The following CCSER1 variants were observed in gnomAD, a reference collection of about 807,000 sequenced individuals.
CCSER1 encodes serine-rich coiled-coil domain-containing protein 1.
In CCSER1, 41 loss-of-function variants were observed where a neutral mutation model predicts 82.0. That is an observed-to-expected ratio of 0.50 (90% CI 0.39 to 0.65). CCSER1 has a LOEUF of 0.65. Among genes scored for constraint, CCSER1 ranks in the 30% least tolerant of loss-of-function variants. The pLI, the probability that CCSER1 is intolerant of heterozygous loss-of-function variation, is 0.00. For missense variants in CCSER1, 1,119 were observed against 1,064.2 expected, an observed-to-expected ratio of 1.05 and a Z score of -0.72; for synonymous variants, 414 against 383.9, an observed-to-expected ratio of 1.08 and a Z score of -0.92.
intron 3 of CCSER1, among the ~76,000 whole-genome samples, chr4:90,396,097 C>A (rs557201112): frequency 2.0e-5 from 3 of 151,992 alleles, no homozygotes; most frequent in Admixed American, 6.6e-5. Flanking sequence ...CAAAAACAAA[C>A]AAACAAACAA....
At chr4:90,647,857 C>G (rs1412510465) in intron 6 of CCSER1, among the ~76,000 whole-genome samples, 1 of 151,966 alleles carries the variant, frequency 6.6e-6, no homozygotes, top group African/African-American at 2.4e-5. Context: ...TGAAACTAAT[C>G]AATCCATAAG....
At chr4:90,822,879 A>G (rs1297870175) in intron 8 of CCSER1, among the ~76,000 whole-genome samples, 1 of 152,206 alleles carries the variant, frequency 6.6e-6, no homozygotes, top group Admixed American at 6.5e-5. Context: ...TATTTAAACA[A>G]AAAAGCAAAA....
At chr4:91,477,066 A>G (rs1480901768) in intron 10 of CCSER1, among the ~76,000 whole-genome samples, 1 of 151,792 alleles carries the variant, frequency 6.6e-6, no homozygotes, top group Admixed American at 6.6e-5. Context: ...AAATTGACAA[A>G]TGGATTACAT....
At chr4:90,324,416 G>T (rs2153489718) in intron 3 of CCSER1, among the ~76,000 whole-genome samples, 1 of 144,366 alleles carries the variant, frequency 6.9e-6, no homozygotes, top group African/African-American at 2.7e-5. Context: ...TTCTCTGATG[G>T]CCAGTGATGG....
chr4:91,355,817 G>A (rs1444759530), intron 10 of CCSER1, among the ~76,000 whole-genome samples: 1 of 152,282 alleles, frequency 6.6e-6, no homozygotes, highest in African/African-American at 2.4e-5. Flanking sequence ...TGTAAGGGTG[G>A]TCTCAGAGGT....
At chr4:90,634,066 T>G (rs921435227) in intron 6 of CCSER1, among the ~76,000 whole-genome samples, 1 of 151,840 alleles carries the variant, frequency 6.6e-6, no homozygotes, top group African/African-American at 2.4e-5. Flanking sequence ...TTAAAAAATT[T>G]TATGATCTAT....
intron 10 of CCSER1, among the ~76,000 whole-genome samples, chr4:91,291,633 G>A (rs967671139): frequency 1.2e-4 from 18 of 152,018 alleles, no homozygotes; most frequent in African/African-American, 2.9e-4. Flanking sequence ...TGAAGAACTC[G>A]CTTGCTATCA....
chr4:90,712,725 T>A (rs1276100662), intron 6 of CCSER1, among the ~76,000 whole-genome samples: 1 of 151,910 alleles, frequency 6.6e-6, no homozygotes, highest in Non-Finnish European at 1.5e-5. Context: ...TGCCTAATAT[T>A]GTTATTGGGG....
At chr4:91,502,112 A>T (rs955410307) in intron 10 of CCSER1, among the ~76,000 whole-genome samples, 64 of 151,910 alleles carry the variant, frequency 4.2e-4, no homozygotes, top group African/African-American at 1.5e-3. Flanking sequence ...AGGAGTGCTA[A>T]CTCCTTTGAT....
chr4:90,967,341 C>T (rs1050431656), intron 9 of CCSER1, among the ~76,000 whole-genome samples: 24 of 151,736 alleles, frequency 1.6e-4, no homozygotes, highest in Middle Eastern at 3.2e-3. Flanking sequence ...CCCAGCTACC[C>T]GGGAGGCTGA....
intron 10 of CCSER1, among the ~76,000 whole-genome samples, chr4:91,568,330 G>A (rs569372939): frequency 8.5e-5 from 13 of 152,086 alleles, no homozygotes; most frequent in Middle Eastern, 3.4e-3. Flanking sequence ...TGTCTTGGGG[G>A]TAATCTTCTT....
chr4:91,297,286 CAGG>C (rs1182925647), intron 10 of CCSER1, among the ~76,000 whole-genome samples: 1 of 151,378 alleles, frequency 6.6e-6, no homozygotes, highest in African/African-American at 2.4e-5. Flanking sequence ...ACAGCAAGAG[CAGG>C]ATAGCAGTAA....
intron 9 of CCSER1, among the ~76,000 whole-genome samples, chr4:91,021,927 G>T (rs1215144594): frequency 6.6e-6 from 1 of 152,090 alleles, no homozygotes; most frequent in African/African-American, 2.4e-5. Flanking sequence ...ACATATATAG[G>T]TATGGTATAT....
intron 6 of CCSER1, among the ~76,000 whole-genome samples, chr4:90,631,554 G>T (rs1487398167): frequency 6.6e-6 from 1 of 152,160 alleles, no homozygotes; most frequent in Non-Finnish European, 1.5e-5. Context: ...GTTTAAGATT[G>T]CTCTAGGGTT....
intron 10 of CCSER1, among the ~76,000 whole-genome samples, chr4:91,252,227 C>T (rs1462744255): frequency 6.6e-6 from 1 of 152,064 alleles, no homozygotes; most frequent in Non-Finnish European, 1.5e-5. Flanking sequence ...AATTCTATAT[C>T]TGGCAAAACT....
intron 1 of CCSER1, among the ~76,000 whole-genome samples, chr4:90,250,086 T>C (rs1029691642): frequency 3.9e-5 from 6 of 152,044 alleles, no homozygotes; most frequent in African/African-American, 1.4e-4. Flanking sequence ...TTTAAAAAAA[T>C]TGGGTTGTAT....
At chr4:91,267,681 C>G (rs2149176336) in intron 10 of CCSER1, among the ~76,000 whole-genome samples, 1 of 152,170 alleles carries the variant, frequency 6.6e-6, no homozygotes, top group Non-Finnish European at 1.5e-5. Flanking sequence ...AAATGGTTTA[C>G]TACACTTCAA....
At chr4:90,965,493 C>G (rs963898920) in intron 9 of CCSER1, among the ~76,000 whole-genome samples, 1 of 152,146 alleles carries the variant, frequency 6.6e-6, no homozygotes, top group Non-Finnish European at 1.5e-5. Context: ...CCAATACATA[C>G]ACAAAACCAA....
At chr4:90,273,114 A>G (rs1049287026) in intron 1 of CCSER1, among the ~76,000 whole-genome samples, 1 of 152,208 alleles carries the variant, frequency 6.6e-6, no homozygotes, top group East Asian at 1.9e-4. Flanking sequence ...CAGGCACAGA[A>G]AGACAAACTT....
Sources: allele counts gnomAD v4.1 joint callset (sites outside exome capture counted in the v4.1 genomes callset), GRCh38; gene constraint gnomAD v4.1.1; transcripts MANE v1.5; gene names NCBI Gene and HGNC (gene_info 2026-07-23, HGNC 2026-07-21).